Variants in FBXO21 observed in about 807,000 individuals in gnomAD.
FBXO21 encodes the protein F-box protein 21.
A neutral mutation model predicts 76.6 loss-of-function variants in FBXO21; 32 were observed. The observed-to-expected ratio is 0.42, with a 90% CI of 0.32 to 0.56. The LOEUF (loss-of-function observed/expected upper bound fraction) is 0.56. Ranked by LOEUF, FBXO21 falls within the 20% of genes least tolerant of loss-of-function variation. The pLI, the probability that FBXO21 is intolerant of heterozygous loss-of-function variation, is 0.16. For missense variants in FBXO21, 586 were observed against 797.3 expected (o/e 0.73, Z 3.19); for synonymous variants, 328 against 311.5 (o/e 1.05, Z -0.56).
Position 117,190,324 on chromosome 12 carries a change from C to T in FBXO21, c.133G>A (p.Gly45Ser), listed in dbSNP as rs1484137028. 4 of 1,540,070 alleles carry T rather than the reference C, an allele frequency of 2.6e-6. No individual in the cohort carries two copies. The South Asian group carries it at 4.8e-5, about 18-fold the overall frequency. ...GEVLEYILCC[G>S]SLTAADIGRV... The stretch of plus-strand genomic sequence containing the variant: ...CCGATGTCGGCGGCCGTCAGCGAGC[C>T]GCAGCACAGGATGTACTCCAGCACC... Residue 45 changes from glycine to serine, a missense_variant, in exon 1 of 12, where the codon GGC becomes AGC. Gly to Ser is a moderately conservative substitution (Grantham distance 56). Transcript: ENST00000622495.
chr12:117,187,545 A>C (rs774589771), intron 2 of FBXO21, among the ~76,000 whole-genome samples: 40 of 152,308 alleles, frequency 2.6e-4, no homozygotes, highest in African/African-American at 8.9e-4. Flanking sequence ...AGAACACAGG[A>C]ACGCCAAGAT....
At chr12:117,155,750 C>A (rs755137452) in intron 11 of FBXO21, 41 bp downstream of exon 11, 4 of 1,581,940 alleles carry the variant, frequency 2.5e-6, no homozygotes, top group Non-Finnish European at 2.6e-6. Context: ...GCTGAAAACA[C>A]GCCCGCGGGG....
intron 7 of FBXO21, among the ~76,000 whole-genome samples, chr12:117,168,074 G>A (rs949611912): frequency 2.0e-5 from 3 of 152,156 alleles, no homozygotes; most frequent in African/African-American, 7.2e-5. Context: ...CCTCATGGAG[G>A]ATTCAGGTGG....
chr12:117,165,419 G>A (rs772793075), intron 9 of FBXO21, 66 bp downstream of exon 9: 342 of 1,469,246 alleles, frequency 2.3e-4, no homozygotes, highest in Non-Finnish European at 2.8e-4. Flanking sequence ...AGCTTGTCAC[G>A]GGCACCCTTC....
chr12:117,146,214 G>A lies in FBXO21; in HGVS notation c.1739C>T (p.Ser580Leu), dbSNP rs1405614862. ...GATGTAGTGAGTGCCAGTAAACTCT[G>A]AGAAATAGCGTCCCACGTCAGGGTG... ...ISHPDVGRYF[S>L]EFTGTHYIPN... Residue 580 changes from serine to leucine, a missense_variant, in exon 12 of 12, where the codon TCA (serine) becomes TTA (leucine). Transcript: ENST00000622495. The A allele has an allele frequency of 2.5e-6, 4 of 1,613,760 alleles. No homozygotes were observed. The African/African-American group carries it at 4.0e-5, about 16-fold the overall frequency.
chr12:117,179,393 A>G (rs563833627), intron 3 of FBXO21, among the ~76,000 whole-genome samples: 1 of 152,182 alleles, frequency 6.6e-6, no homozygotes, highest in South Asian at 2.1e-4. Flanking sequence ...ATACATCCCT[A>G]AACAGGCGAG....
At chr12:117,188,025 C>G (rs796930488) in intron 2 of FBXO21, among the ~76,000 whole-genome samples, 1 of 151,588 alleles carries the variant, frequency 6.6e-6, no homozygotes, top group Non-Finnish European at 1.5e-5. Flanking sequence ...CCTTTCAAAA[C>G]TTGAAAAGCC....
At chr12:117,149,489 G>A (rs904738886) in intron 11 of FBXO21, among the ~76,000 whole-genome samples, 4 of 152,194 alleles carry the variant, frequency 2.6e-5, no homozygotes, top group Non-Finnish European at 4.4e-5. Flanking sequence ...TTGCCAGTTC[G>A]TCTGGAGCAG....
chr12:117,180,107 A>G (rs1956213529), intron 3 of FBXO21, among the ~76,000 whole-genome samples: 1 of 152,176 alleles, frequency 6.6e-6, no homozygotes, highest in Admixed American at 6.5e-5. Context: ...GACATAAAGT[A>G]GTGTCAGTTT....
At chr12:117,153,324 T>C (rs1236669193) in intron 11 of FBXO21, among the ~76,000 whole-genome samples, 1 of 151,960 alleles carries the variant, frequency 6.6e-6, no homozygotes, top group Non-Finnish European at 1.5e-5. Flanking sequence ...ACTAGTGAGA[T>C]GGGGCAGGCA....
intron 3 of FBXO21, among the ~76,000 whole-genome samples, chr12:117,184,622 G>A (rs1416557936): frequency 6.6e-6 from 1 of 152,084 alleles, no homozygotes; most frequent in Non-Finnish European, 1.5e-5. Context: ...GTGTGGTGGT[G>A]GGCACCTGTA....
rs1480962462 is a variant in FBXO21, at chr12:117,143,349, GTTTA to G, written c.*2734_*2737del. The G allele has an allele frequency of 6.6e-6, 1 of 152,178 alleles. No homozygotes were observed. The highest frequency in any genetic ancestry group is 1.5e-5 in the Non-Finnish European group (1 of 68,068). The allele number at this position is 152,178 out of a possible 1,614,324, so 9.4% of individuals were successfully genotyped here. ...CACCACCATAGAGTCAATTGACTTT[GTTTA>G]ACCTATAACCTTTTTTCCTCCCACA... is the stretch of plus-strand genomic sequence containing the variant. On this transcript the variant is annotated 3_prime_UTR_variant, in exon 12 of 12. Transcript: ENST00000622495.
chr12:117,158,201 G>T, intron 9 of FBXO21, 138 bp from the exon 10 acceptor site: 1 of 913,294 alleles, frequency 1.1e-6, no homozygotes, highest in Non-Finnish European at 1.7e-6. Context: ...TGATCGAACC[G>T]GTCCAGGTCT....
intron 1 of FBXO21, 152 bp downstream of exon 1, chr12:117,190,066 G>A: frequency 4.3e-6 from 1 of 230,348 alleles, no homozygotes; most frequent in Non-Finnish European, 7.2e-6. Context: ...CAGGGTCCGG[G>A]GCCTGGAGGC....
chr12:117,161,637 A>G (rs892477584), intron 9 of FBXO21, among the ~76,000 whole-genome samples: 1 of 152,150 alleles, frequency 6.6e-6, no homozygotes, highest in Non-Finnish European at 1.5e-5. Flanking sequence ...TGGGAGACAG[A>G]GTCACGTGCA....
chr12:117,166,908 G>A lies in FBXO21; in HGVS notation c.1183C>T (p.Leu395=), dbSNP rs1956059501. 1.2e-6 allele frequency: 2 copies of A among 1,613,986 alleles called. No homozygotes were observed. The highest frequency in any genetic ancestry group is 1.1e-5 in the South Asian group (1 of 91,078). The part of the protein sequence containing the change: ...LQRMVGNLLS[L]GKREGIDQSY... ...CCAAGAAAACCTTACCGCTTCCCCA[G>A]GCTTAACAGGTTTCCCACCATTCTC... is the stretch of plus-strand genomic sequence containing the variant. Residue 395 remains leucine (L), a synonymous_variant, in exon 8 of 12, where the codon CTG becomes TTG. Coordinates refer to ENST00000622495, the MANE Select transcript of FBXO21 (RefSeq NM_015002.3).
At chr12:117,150,574 G>A (rs1258122607) in intron 11 of FBXO21, among the ~76,000 whole-genome samples, 1 of 152,212 alleles carries the variant, frequency 6.6e-6, no homozygotes, top group Non-Finnish European at 1.5e-5. Flanking sequence ...TTATTCAATT[G>A]CAGCTTAGTA....
chr12:117,154,781 TTC>T (rs1955891135), intron 11 of FBXO21, among the ~76,000 whole-genome samples: 1 of 152,198 alleles, frequency 6.6e-6, no homozygotes, highest in South Asian at 2.1e-4. Context: ...TTTCAGAAAG[TTC>T]TGAGGTTTTT....
At chr12:117,177,843 T>C (rs1247336441) in intron 3 of FBXO21, among the ~76,000 whole-genome samples, 1 of 152,234 alleles carries the variant, frequency 6.6e-6, no homozygotes, top group African/African-American at 2.4e-5. Context: ...GGAACAGTTA[T>C]CTGCCTGGCT....
Sources: gnomAD v4.1 joint callset for allele counts (sites outside exome capture counted in the v4.1 genomes callset) on GRCh38, gnomAD v4.1.1 for gene constraint, MANE v1.5 for transcripts, NCBI Gene and HGNC (gene_info 2026-07-23, HGNC 2026-07-21) for gene names.